Variants in SENP6 observed in about 807,000 individuals in gnomAD.
The protein encoded by SENP6 is sentrin-specific protease 6.
SENP6 carries 41 observed loss-of-function variants against 134.5 expected under a neutral mutation model. That is an observed-to-expected ratio of 0.30 (90% confidence interval 0.24 to 0.40). The LOEUF (loss-of-function observed/expected upper bound fraction) is 0.40, where lower values mean the gene tolerates loss of function less well. SENP6 is among the 10% of genes least tolerant of loss of function. SENP6 has a pLI of 1.00. For synonymous variants in SENP6, 395 were observed against 429.8 expected, an observed-to-expected ratio of 0.92 and a Z score of 1.00; for missense variants, 1,248 against 1,312.5, an observed-to-expected ratio of 0.95 and a Z score of 0.76.
chr6:75,634,864 G>A (rs1393453470), intron 5 of SENP6, 53 bp downstream of exon 5: 1 of 1,210,436 alleles, frequency 8.3e-7, no homozygotes, highest in Non-Finnish European at 1.2e-6. Flanking sequence ...TTCTTCAATA[G>A]GTTTTCACTT....
In SENP6 at chr6:75,616,185, T is replaced by A. The variant is rs1165158622; in HGVS notation, c.53-5347T>A. Among the ~76,000 whole-genome samples, 5 of 152,138 alleles carry A rather than the reference T, an allele frequency of 3.3e-5. No homozygotes were observed. In the East Asian group the frequency reaches 9.6e-4, roughly 29 times the overall value. On this transcript the variant is annotated intron_variant, in intron 1 of 23. Transcript: ENST00000447266. ...CTGGGATCTCTCCTTAACCTTTTTC[T>A]TTCCATCTCCTTAATTTTCTAACTA...
rs187418054 is a variant in SENP6, at chr6:75,614,713, C to T, written c.53-6819C>T. Among the ~76,000 whole-genome samples, 41 of 152,200 alleles carry T rather than the reference C, an allele frequency of 2.7e-4. No homozygotes were observed. In the East Asian group the frequency reaches 6.9e-3, roughly 26 times the overall value. On this transcript the variant is annotated intron_variant, in intron 1 of 23. Coordinates refer to ENST00000447266, the MANE Select transcript of SENP6 (RefSeq NM_015571.4). ...TCCCCCAATTATTAATATAATGGTT[C>T]CCAAGTGATTTTTCTCCCTTTACTG...
At chr6:75,688,882 C>G (rs546963502) in intron 16 of SENP6, among the ~76,000 whole-genome samples, 8 of 152,186 alleles carry the variant, frequency 5.3e-5, no homozygotes, top group Non-Finnish European at 1.2e-4. Context: ...ACCTGACCAA[C>G]ATGGAGAAAC....
At chr6:75,691,086 C>T (rs1306771233) in intron 16 of SENP6, among the ~76,000 whole-genome samples, 1 of 151,394 alleles carries the variant, frequency 6.6e-6, no homozygotes, top group Admixed American at 6.6e-5. Flanking sequence ...TGAAGCGATC[C>T]TCCCACCTTG....
At chr6:75,695,024 G>A (rs922240068) in intron 16 of SENP6, among the ~76,000 whole-genome samples, 3 of 151,920 alleles carry the variant, frequency 2.0e-5, no homozygotes, top group Admixed American at 1.3e-4. Flanking sequence ...ACAGGCACTC[G>A]CCACCACACC....
intron 1 of SENP6, among the ~76,000 whole-genome samples, chr6:75,605,451 T>A (rs1249601860): frequency 3.3e-5 from 5 of 152,174 alleles, no homozygotes; most frequent in Admixed American, 3.3e-4. Flanking sequence ...GTTAATGAAA[T>A]AAACCAGATG....
In SENP6 at chr6:75,677,150, C is replaced by A; in HGVS notation, c.1742C>A (p.Ala581Glu). ...AAGAATAACATCTCCAATTTTTTTG[C>A]GAAAATTCCCTTTGAAGAAGCTAAT... ...GIKNNISNFFAKIPFEEANGR... is the reference protein window; with the variant it reads ...GIKNNISNFFEKIPFEEANGR... Residue 581 changes from alanine (A) to glutamate (E), a missense_variant, in exon 14 of 24, where the codon GCG (alanine) becomes GAG (glutamate). Ala to Glu is a moderately radical substitution (Grantham distance 107, BLOSUM62 -1). This residue lies in a region of SENP6 where 733 missense variants were observed against 725.4 expected (regional missense o/e 1.01). Transcript: ENST00000447266. The A allele has an allele frequency of 6.2e-7, 1 of 1,611,882 alleles. No homozygotes were observed. The highest frequency in any genetic ancestry group is 8.5e-7 in the Non-Finnish European group (1 of 1,178,794).
At chr6:75,608,899 C>G (rs1231947496) in intron 1 of SENP6, among the ~76,000 whole-genome samples, 1 of 152,112 alleles carries the variant, frequency 6.6e-6, no homozygotes, top group African/African-American at 2.4e-5. Context: ...CTTGTCTTCT[C>G]TTCTATTTGA....
intron 8 of SENP6, 136 bp from the exon 9 acceptor site, chr6:75,663,085 C>A: frequency 1.4e-6 from 1 of 734,986 alleles, no homozygotes; most frequent in Non-Finnish European, 2.2e-6. Flanking sequence ...CTTAATGATG[C>A]AGTAAAATGC....
chr6:75,672,127 C>T (rs188450778), intron 11 of SENP6, among the ~76,000 whole-genome samples: 169 of 152,292 alleles, frequency 1.1e-3, no homozygotes, highest in African/African-American at 3.8e-3. Flanking sequence ...TGCAGACTGT[C>T]TTTCCTGGTT....
intron 1 of SENP6, 66 bp downstream of exon 1, chr6:75,602,642 C>A: frequency 6.8e-7 from 1 of 1,481,020 alleles, no homozygotes; most frequent in Non-Finnish European, 9.2e-7. Context: ...CCCCCAGAAC[C>A]CCGGATATTC....
intron 18 of SENP6, among the ~76,000 whole-genome samples, chr6:75,699,354 C>CTTTTTTTT (rs71544060): frequency 2.6e-5 from 3 of 115,028 alleles, no homozygotes; most frequent in Non-Finnish European, 3.5e-5. Flanking sequence ...TTTGTTTTTG[C>CTTTTTTTT]TTTTTTTTTT....
At chr6:75,614,489 A>G (rs186320595) in intron 1 of SENP6, among the ~76,000 whole-genome samples, 18 of 152,178 alleles carry the variant, frequency 1.2e-4, no homozygotes, top group East Asian at 3.9e-4. Context: ...ACTGGTCTCA[A>G]ACTCCTGACC....
chr6:75,686,972 G>A (rs192710194), intron 16 of SENP6, among the ~76,000 whole-genome samples: 52 of 152,202 alleles, frequency 3.4e-4, no homozygotes, highest in Non-Finnish European at 6.2e-4. Flanking sequence ...GTTCTCCTGG[G>A]TAATATCCTG....
chr6:75,604,338 A>C (rs542454754), intron 1 of SENP6, among the ~76,000 whole-genome samples: 2 of 152,238 alleles, frequency 1.3e-5, no homozygotes, highest in African/African-American at 4.8e-5. Context: ...GAGCATAAGC[A>C]TAAGGGTTCT....
At chr6:75,666,197 GTA>G (rs372461786) in intron 9 of SENP6, among the ~76,000 whole-genome samples, 8 of 97,584 alleles carry the variant, frequency 8.2e-5, no homozygotes, top group South Asian at 3.3e-4. Flanking sequence ...TATATAAAAC[GTA>G]TATATGATAT....
chr6:75,623,521 C>G (rs1768431540), intron 2 of SENP6, among the ~76,000 whole-genome samples: 1 of 152,026 alleles, frequency 6.6e-6, no homozygotes, highest in Non-Finnish European at 1.5e-5. Context: ...CTCTATCTTT[C>G]TACCCTTAAT....
intron 7 of SENP6, chr6:75,655,383 C>CA (rs531397749): frequency 6.6e-6 from 1 of 152,300 alleles, no homozygotes; most frequent in South Asian, 2.1e-4. Context: ...CCTTTCTAAC[C>CA]AAAATCCCCA....
At chr6:75,623,604 G>C (rs2149830669) in intron 2 of SENP6, among the ~76,000 whole-genome samples, 1 of 152,192 alleles carries the variant, frequency 6.6e-6, no homozygotes, top group South Asian at 2.1e-4. Context: ...AGAATTATGT[G>C]TTCATTTATT....
Sources: gnomAD v4.1 joint callset for allele counts (sites outside exome capture counted in the v4.1 genomes callset) on GRCh38, gnomAD v4.1.1 for gene constraint, gnomAD v4.1.1 regional missense constraint, MANE v1.5 for transcripts, NCBI Gene and HGNC (gene_info 2026-07-23, HGNC 2026-07-21) for gene names.